GPR107: variants seen among roughly 807,000 people sequenced by gnomAD.
GPR107 encodes the protein G protein-coupled receptor 107.
A neutral mutation model predicts 75.5 loss-of-function variants in GPR107; 31 were observed. The observed-to-expected ratio is 0.41, with a 90% CI of 0.31 to 0.55. The LOEUF (loss-of-function observed/expected upper bound fraction) is 0.55. Ranked by LOEUF, GPR107 falls within the 20% of genes least tolerant of loss-of-function variation. The pLI, the probability that GPR107 is intolerant of heterozygous loss-of-function variation, is 0.26. For synonymous variants in GPR107, 267 were observed against 251.3 expected (o/e 1.06, Z -0.59); for missense variants, 572 against 665.7 (o/e 0.86, Z 1.55).
At chr9:130,134,020 A>T (rs1226935065) in intron 17 of GPR107, among the ~76,000 whole-genome samples, 1 of 152,056 alleles carries the variant, frequency 6.6e-6, no homozygotes, top group African/African-American at 2.4e-5. Context: ...TGGCAGAGGG[A>T]TGGGTTGGGT....
intron 12 of GPR107, 26 bp from the exon 13 acceptor site, chr9:130,104,394 G>T: frequency 6.2e-7 from 1 of 1,611,442 alleles, no homozygotes. Flanking sequence ...ATGCTTTGGG[G>T]CCTCAGCAAC....
At chr9:130,066,947 C>G (rs1337983508) in intron 1 of GPR107, among the ~76,000 whole-genome samples, 1 of 151,652 alleles carries the variant, frequency 6.6e-6, no homozygotes, top group Non-Finnish European at 1.5e-5. Context: ...GATGGCGCCA[C>G]TGCACTCCAG....
chr9:130,119,181 C>T (rs1831494327), intron 14 of GPR107, among the ~76,000 whole-genome samples: 2 of 152,204 alleles, frequency 1.3e-5, no homozygotes, highest in South Asian at 4.1e-4. Flanking sequence ...CTGCATCATG[C>T]TGGTTTCACC....
chr9:130,069,354 A>G (rs1564660579), intron 1 of GPR107, among the ~76,000 whole-genome samples: 1 of 152,176 alleles, frequency 6.6e-6, no homozygotes, highest in East Asian at 1.9e-4. Flanking sequence ...GCTAATGGAA[A>G]TGATAGGCTG....
rs745723444 is a variant in GPR107 at position 130,100,739 on chromosome 9, T to C, written c.1013+37T>C. The C allele has an allele frequency of 1.3e-5, 19 of 1,467,056 alleles. No homozygotes were observed. In the Admixed American group the frequency reaches 3.2e-4, roughly 25 times the overall value. The allele number at this position is 1,467,056 out of a possible 1,614,324, so 90.9% of individuals were successfully genotyped here. A position where few individuals can be genotyped will look rare whatever the true frequency, so the allele number is the denominator to read the frequency against. On this transcript the variant is annotated intron_variant, in intron 11 of 17. Coordinates refer to ENST00000347136, the MANE Select transcript of GPR107 (RefSeq NM_020960.5). ...GGTCCATGTGAAATACACCATGAAA[T>C]GACATACAAGACAAGGGGGGTGGGC...
At chr9:130,116,150 G>A (rs908419169) in intron 14 of GPR107, among the ~76,000 whole-genome samples, 1 of 152,140 alleles carries the variant, frequency 6.6e-6, no homozygotes, top group Non-Finnish European at 1.5e-5. Flanking sequence ...GTCTTGTCTT[G>A]GACACATTGC....
intron 1 of GPR107, among the ~76,000 whole-genome samples, chr9:130,062,648 G>T (rs1219471632): frequency 1.0e-3 from 99 of 95,458 alleles, no homozygotes; most frequent in African/African-American, 3.0e-3. Flanking sequence ...CTGCCTGCCT[G>T]CCTGCCTGCC....
At chr9:130,078,070 CAGG>C (rs1830400843) in intron 4 of GPR107, among the ~76,000 whole-genome samples, 1 of 151,390 alleles carries the variant, frequency 6.6e-6, no homozygotes, top group Admixed American at 6.6e-5. Flanking sequence ...GAGGCTGAGA[CAGG>C]AGAATGGTGT....
At position 130,135,092 on chromosome 9, in the gene GPR107, C is replaced by G. The variant is rs138152715; in HGVS notation, c.1630C>G (p.Pro544Ala). ...GAAGGTGACCAACGGCTCCGTGGAGCCCCAGGGCGAGTGGGAAGGCGCCGT... is the reference window on the plus strand; with the variant it reads ...GAAGGTGACCAACGGCTCCGTGGAGGCCCAGGGCGAGTGGGAAGGCGCCGT... ...VKKVTNGSVE[P>A]QGEWEGAV The change falls in exon 18 of 18, where the codon CCC (proline) becomes GCC (alanine). Residue 544 changes from proline to alanine, a missense_variant. By Grantham distance (27) the Pro-to-Ala change is conservative. Coordinates refer to ENST00000347136, the MANE Select transcript of GPR107 (RefSeq NM_020960.5). 126 of 1,608,978 alleles carry G rather than the reference C, an allele frequency of 7.8e-5. 1 individual carries two copies. The highest frequency in any genetic ancestry group is 1.4e-5 in the Non-Finnish European group (16 of 1,176,432).
At chr9:130,073,681 G>A (rs1426446838) in intron 1 of GPR107, among the ~76,000 whole-genome samples, 4 of 152,210 alleles carry the variant, frequency 2.6e-5, no homozygotes, top group African/African-American at 9.7e-5. Flanking sequence ...GGAAAGAACA[G>A]GGAAGCCAGG....
chr9:130,132,303 C>T (rs1298140967), intron 17 of GPR107, among the ~76,000 whole-genome samples: 1 of 152,204 alleles, frequency 6.6e-6, no homozygotes, highest in Non-Finnish European at 1.5e-5. Context: ...CCCTTGGGCT[C>T]AGGATCTGTG....
chr9:130,068,527 G>C (rs1480817703), intron 1 of GPR107, among the ~76,000 whole-genome samples: 1 of 152,064 alleles, frequency 6.6e-6, no homozygotes, highest in Non-Finnish European at 1.5e-5. Context: ...AGCTAGCTCA[G>C]TTAAGTGTTA....
At chr9:130,100,799 C>A in intron 11 of GPR107, 97 bp downstream of exon 11, 2 of 835,584 alleles carry the variant, frequency 2.4e-6, no homozygotes, top group East Asian at 2.5e-5. Flanking sequence ...CCCTGCCCTC[C>A]TGTGGCAGCC....
At chr9:130,085,771 TGCCGGG>T (rs1830601129) in intron 6 of GPR107, among the ~76,000 whole-genome samples, 1 of 133,416 alleles carries the variant, frequency 7.5e-6, no homozygotes, top group African/African-American at 2.7e-5. Context: ...TTTTTTTTTT[TGCCGGG>T]GGGAACGCAG....
intron 1 of GPR107, among the ~76,000 whole-genome samples, chr9:130,067,160 A>G (rs1018083988): frequency 6.6e-6 from 1 of 152,322 alleles, no homozygotes; most frequent in East Asian, 1.9e-4. Context: ...GAGTTCTAGT[A>G]TAATGAGACT....
intron 1 of GPR107, among the ~76,000 whole-genome samples, chr9:130,071,039 T>TC (rs1267758528): frequency 3.6e-5 from 5 of 139,876 alleles, no homozygotes; most frequent in African/African-American, 5.2e-5. Context: ...TTTTTTCTTT[T>TC]TTTTTTTTTT....
intron 1 of GPR107, among the ~76,000 whole-genome samples, chr9:130,063,286 G>A (rs1197935027): frequency 6.6e-6 from 1 of 152,082 alleles, no homozygotes; most frequent in Non-Finnish European, 1.5e-5. Flanking sequence ...CACTTCCCGG[G>A]TTCATGCCAT....
intron 1 of GPR107, among the ~76,000 whole-genome samples, chr9:130,067,208 A>G (rs1830092316): frequency 6.6e-6 from 1 of 151,470 alleles, no homozygotes; most frequent in South Asian, 2.4e-4. Context: ...TACTGAGCTA[A>G]TAATGATAAC....
At chr9:130,134,238 C>T (rs556306667) in intron 17 of GPR107, among the ~76,000 whole-genome samples, 1 of 152,358 alleles carries the variant, frequency 6.6e-6, no homozygotes, top group Admixed American at 6.5e-5. Context: ...AGCTCACCTT[C>T]TGTGAGGCAA....
Sources: allele counts gnomAD v4.1 joint callset (sites outside exome capture counted in the v4.1 genomes callset), GRCh38; gene constraint gnomAD v4.1.1; transcripts MANE v1.5; gene names NCBI Gene and HGNC (gene_info 2026-07-23, HGNC 2026-07-21).